Variants in HEMK2 observed in about 807,000 individuals in gnomAD.
HEMK2 encodes HemK methyltransferase 2, ETF1 glutamine and histone H4 lysine, also known as methyltransferase HEMK2.
the HEMK2 span, among the ~76,000 whole-genome samples, chr21:28,730,556 C>G: frequency 6.6e-6 from 1 of 152,186 alleles, no homozygotes. Context: ...CCTGCTTCCA[C>G]ACTCACTCAT....
chr21:28,722,741 G>C, the HEMK2 span, among the ~76,000 whole-genome samples: 1 of 152,224 alleles, frequency 6.6e-6, no homozygotes, highest in East Asian at 1.9e-4. Flanking sequence ...AAAATTAGCC[G>C]GGCATGGTGG....
chr21:28,762,856 T>C, the HEMK2 span, among the ~76,000 whole-genome samples: 1 of 152,148 alleles, frequency 6.6e-6, no homozygotes, highest in African/African-American at 2.4e-5. Flanking sequence ...AATTACTCCA[T>C]CCGTCATATG....
chr21:28,622,385 A>G, the HEMK2 span, among the ~76,000 whole-genome samples: 81,994 of 152,000 alleles, frequency 0.54, 24,109 homozygotes, highest in African/African-American at 0.78. Context: ...AATCAATATC[A>G]TGAAAATGGC....
chr21:28,831,538 A>G, the HEMK2 span, among the ~76,000 whole-genome samples: 99 of 74,950 alleles, frequency 1.3e-3, 3 homozygotes, highest in East Asian at 4.1e-3. Flanking sequence ...AAAGAAGGAA[A>G]GAAGGAAAGA....
chr21:28,639,739 T>C, the HEMK2 span, among the ~76,000 whole-genome samples: 1 of 152,208 alleles, frequency 6.6e-6, no homozygotes, highest in Non-Finnish European at 1.5e-5. Flanking sequence ...TAAATAGTTA[T>C]TCAAATCATG....
the HEMK2 span, among the ~76,000 whole-genome samples, chr21:28,836,957 G>A: frequency 6.6e-6 from 1 of 152,124 alleles, no homozygotes; most frequent in Non-Finnish European, 1.5e-5. Flanking sequence ...TTGTCCAACA[G>A]GAAAATATCA....
At chr21:28,689,142 AT>A in the HEMK2 span, among the ~76,000 whole-genome samples, 1 of 149,834 alleles carries the variant, frequency 6.7e-6, no homozygotes, top group South Asian at 2.1e-4. Context: ...GCAGAAAAAA[AT>A]CAAAGGAGTA....
At chr21:28,611,645 C>T in the HEMK2 span, among the ~76,000 whole-genome samples, 2 of 135,726 alleles carry the variant, frequency 1.5e-5, no homozygotes, top group Non-Finnish European at 1.7e-5. Context: ...GAGCAGCTCA[C>T]ACCTGTAATC....
chr21:28,703,823 T>C, the HEMK2 span, among the ~76,000 whole-genome samples: 1 of 152,136 alleles, frequency 6.6e-6, no homozygotes, highest in African/African-American at 2.4e-5. Flanking sequence ...TGATTCAGAG[T>C]TACAGAAAAA....
At chr21:28,814,136 C>G in the HEMK2 span, among the ~76,000 whole-genome samples, 1 of 152,060 alleles carries the variant, frequency 6.6e-6, no homozygotes, top group Non-Finnish European at 1.5e-5. Context: ...ACTTGAGAGG[C>G]TGAGGCAGGA....
At chr21:28,790,999 T>C in the HEMK2 span, among the ~76,000 whole-genome samples, 2 of 151,992 alleles carry the variant, frequency 1.3e-5, no homozygotes, top group East Asian at 3.9e-4. Flanking sequence ...AAAAAGAATA[T>C]TTTGCAAATA....
chr21:28,620,364 C>G, the HEMK2 span, among the ~76,000 whole-genome samples: 1 of 152,032 alleles, frequency 6.6e-6, no homozygotes, highest in Non-Finnish European at 1.5e-5. Context: ...CTTTGGACCT[C>G]TGGTAGAATT....
chr21:28,738,418 C>A, the HEMK2 span, among the ~76,000 whole-genome samples: 2 of 152,284 alleles, frequency 1.3e-5, no homozygotes, highest in South Asian at 2.1e-4. Flanking sequence ...GTTTTTCCAA[C>A]AAGGTAAGGA....
At chr21:28,685,551 T>C in the HEMK2 span, among the ~76,000 whole-genome samples, 1 of 152,188 alleles carries the variant, frequency 6.6e-6, no homozygotes, top group Non-Finnish European at 1.5e-5. Context: ...AAGCCCATCG[T>C]TGCAAACTTA....
At chr21:28,616,831 A>G in the HEMK2 span, among the ~76,000 whole-genome samples, 4 of 152,144 alleles carry the variant, frequency 2.6e-5, no homozygotes, top group African/African-American at 9.7e-5. Flanking sequence ...TCAACACATC[A>G]CTCAGGATTG....
chr21:28,879,027 G>T, the HEMK2 span, among the ~76,000 whole-genome samples: 129,928 of 146,190 alleles, frequency 0.89, 57,969 homozygotes, highest in South Asian at 0.95. Flanking sequence ...ATAATATCCA[G>T]GAGTTTATAT....
chr21:28,800,214 T>C, the HEMK2 span, among the ~76,000 whole-genome samples: 1 of 152,180 alleles, frequency 6.6e-6, no homozygotes, highest in Non-Finnish European at 1.5e-5. Context: ...TTTAAAGCAG[T>C]GGTGCTTAAA....
chr21:28,655,254 A>C, the HEMK2 span, among the ~76,000 whole-genome samples: 1 of 152,088 alleles, frequency 6.6e-6, no homozygotes, highest in Admixed American at 6.6e-5. Flanking sequence ...TGAATACAAT[A>C]AGTTTTTTAT....
At chr21:28,667,246 T>C in the HEMK2 span, among the ~76,000 whole-genome samples, 27,557 of 152,074 alleles carry the variant, frequency 0.18, 2,698 homozygotes, top group East Asian at 0.38. Context: ...TATAAACATG[T>C]GTTGTTTTGA....
Sources: allele counts gnomAD v4.1 joint callset (sites outside exome capture counted in the v4.1 genomes callset), GRCh38; gene constraint gnomAD v4.1.1; transcripts MANE v1.5; gene names NCBI Gene and HGNC (gene_info 2026-07-23, HGNC 2026-07-21).